The following CNTNAP2 variants were observed in gnomAD, a reference collection of about 807,000 sequenced individuals.
The protein encoded by CNTNAP2 is contactin associated protein 2.
Under a neutral mutation model 155.2 loss-of-function variants are expected in CNTNAP2, and 98 were observed. The ratio of observed to expected loss-of-function variants is 0.63; its 90% CI spans 0.54 to 0.75. The LOEUF is 0.75. Among genes scored for constraint, CNTNAP2 ranks in the 30% least tolerant of loss-of-function variants. The pLI is 0.00. For synonymous variants in CNTNAP2, 651 were observed against 631.2 expected (o/e 1.03, Z -0.47); for missense variants, 1,727 against 1,688.1 (o/e 1.02, Z -0.40).
chr7:147,057,663 TCTC>T (rs1404533448), intron 4 of CNTNAP2, among the ~76,000 whole-genome samples: 2 of 152,078 alleles, frequency 1.3e-5, no homozygotes, highest in Admixed American at 1.3e-4. Context: ...AACCCAAAAG[TCTC>T]CTAGTGGCAA....
At chr7:148,217,863 G>A (rs973404949) in intron 19 of CNTNAP2, among the ~76,000 whole-genome samples, 10 of 152,214 alleles carry the variant, frequency 6.6e-5, no homozygotes, top group Non-Finnish European at 1.2e-4. Flanking sequence ...TGTGGCTCAC[G>A]CCTGTAATCC....
chr7:147,320,262 A>G (rs1340072245), intron 9 of CNTNAP2, among the ~76,000 whole-genome samples: 3 of 152,194 alleles, frequency 2.0e-5, no homozygotes, highest in Non-Finnish European at 4.4e-5. Flanking sequence ...TTCTACACAT[A>G]TCCTGTCAGC....
chr7:146,278,602 T>C lies in CNTNAP2; in HGVS notation c.97+161629T>C, dbSNP rs1345732931. 2.6e-5 allele frequency among the ~76,000 whole-genome samples: 4 copies of C among 152,322 alleles called. No individual in the cohort carries two copies. In the East Asian group the frequency reaches 5.8e-4, roughly 22 times the overall value. ...GCCAAACACTGTGCTAGCTTCTTAG[T>C]ATAAAAAGGTAACTAAAAGCACAGC... On this transcript the variant is annotated intron_variant, in intron 1 of 23. Coordinates refer to ENST00000361727, the MANE Select transcript of CNTNAP2 (RefSeq NM_014141.6).
intron 14 of CNTNAP2, among the ~76,000 whole-genome samples, chr7:147,949,769 A>G (rs1259312743): frequency 6.6e-6 from 1 of 152,156 alleles, no homozygotes; most frequent in Non-Finnish European, 1.5e-5. Flanking sequence ...GCTGCAGGTC[A>G]GGAAACCCAA....
In CNTNAP2 at chr7:147,237,199, G is replaced by C. The variant is rs1803828646; in HGVS notation, c.1349-62942G>C. ...TCGTGCCTCAGCCTCCCAAGTAGCT[G>C]GGACTACAGGCACATGCCACCACAC... On this transcript the variant is annotated intron_variant, in intron 8 of 23. Coordinates refer to ENST00000361727, the MANE Select transcript of CNTNAP2 (RefSeq NM_014141.6). Among the ~76,000 whole-genome samples, 3 of 151,344 alleles carry C rather than the reference G, an allele frequency of 2.0e-5. No homozygotes were observed. In the South Asian group the frequency reaches 6.2e-4, roughly 32 times the overall value.
intron 3 of CNTNAP2, among the ~76,000 whole-genome samples, chr7:146,926,136 T>C (rs1270420208): frequency 6.6e-6 from 1 of 152,142 alleles, no homozygotes; most frequent in African/African-American, 2.4e-5. Flanking sequence ...AATTCTTTAG[T>C]TGCTAGCTAA....
intron 1 of CNTNAP2, among the ~76,000 whole-genome samples, chr7:146,310,169 C>T (rs925224229): frequency 6.6e-6 from 1 of 152,084 alleles, no homozygotes; most frequent in African/African-American, 2.4e-5. Flanking sequence ...ATGAAAATAA[C>T]ACATTCAAAC....
At chr7:147,122,582 C>T (rs1801142896) in intron 6 of CNTNAP2, 1 of 152,184 alleles carries the variant, frequency 6.6e-6, no homozygotes, top group South Asian at 2.1e-4. Context: ...TCCACTTTTA[C>T]TCTACATGAT....
chr7:147,494,468 C>CAAAAA (rs10562874), intron 11 of CNTNAP2, among the ~76,000 whole-genome samples: 18,538 of 115,564 alleles, frequency 0.16, 1,881 homozygotes, highest in African/African-American at 0.2. Context: ...TGAGTCTTGG[C>CAAAAA]AAAAAAAAAA....
intron 2 of CNTNAP2, among the ~76,000 whole-genome samples, chr7:146,787,327 G>A (rs536782932): frequency 9.2e-5 from 14 of 152,246 alleles, no homozygotes; most frequent in East Asian, 7.7e-4. Context: ...GGACCCTTGC[G>A]GTGAGGGTTA....
intron 1 of CNTNAP2, among the ~76,000 whole-genome samples, chr7:146,186,487 T>C (rs956825117): frequency 6.6e-6 from 1 of 152,192 alleles, no homozygotes; most frequent in Non-Finnish European, 1.5e-5. Context: ...CTACATTCAA[T>C]AGGTATGAAT....
rs558947441 is a variant in CNTNAP2, at chr7:146,215,858, A to G, written c.97+98885A>G. 1.8e-4 allele frequency among the ~76,000 whole-genome samples: 27 copies of G among 152,292 alleles called. No homozygotes were observed. In the East Asian group the frequency reaches 5.2e-3, roughly 29 times the overall value. ...CGGCTGATATCGCATTTGCTTTGAT[A>G]AATAATATTTTACCTTCCCATTTGG... On this transcript the variant is annotated intron_variant, in intron 1 of 23. Transcript: ENST00000361727.
chr7:147,748,947 A>T (rs1026025014), intron 13 of CNTNAP2, among the ~76,000 whole-genome samples: 1 of 152,234 alleles, frequency 6.6e-6, no homozygotes, highest in African/African-American at 2.4e-5. Context: ...GACATAAGTC[A>T]TCTACGTGGT....
At chr7:147,299,268 T>C (rs1451535395) in intron 8 of CNTNAP2, among the ~76,000 whole-genome samples, 4 of 152,204 alleles carry the variant, frequency 2.6e-5, no homozygotes, top group African/African-American at 9.7e-5. Flanking sequence ...TTTTGCTTTT[T>C]AATTTTCTGA....
intron 1 of CNTNAP2, among the ~76,000 whole-genome samples, chr7:146,227,594 A>C (rs1158104928): frequency 6.6e-6 from 1 of 152,166 alleles, no homozygotes; most frequent in Admixed American, 6.5e-5. Context: ...TAAAGAGAAC[A>C]TTGAGTGTAT....
At chr7:147,768,746 G>T (rs992293687) in intron 13 of CNTNAP2, among the ~76,000 whole-genome samples, 2 of 152,036 alleles carry the variant, frequency 1.3e-5, no homozygotes, top group Non-Finnish European at 2.9e-5. Context: ...CCTTTTGAAG[G>T]TGTGATTACT....
intron 15 of CNTNAP2, among the ~76,000 whole-genome samples, chr7:148,075,099 C>T (rs1405375162): frequency 6.6e-6 from 1 of 152,152 alleles, no homozygotes; most frequent in African/African-American, 2.4e-5. Flanking sequence ...ACCTTAACTT[C>T]CTACAAAGTC....
chr7:147,705,870 T>C (rs1315481745), intron 13 of CNTNAP2, among the ~76,000 whole-genome samples: 1 of 152,150 alleles, frequency 6.6e-6, no homozygotes, highest in African/African-American at 2.4e-5. Flanking sequence ...AGTTTAGCTA[T>C]TCCGTTTGTT....
At chr7:147,941,678 G>A (rs548535617) in intron 14 of CNTNAP2, among the ~76,000 whole-genome samples, 2 of 152,174 alleles carry the variant, frequency 1.3e-5, no homozygotes, top group Admixed American at 6.5e-5. Context: ...AATGTAATTA[G>A]TTGTGTTTTT....
Sources: gnomAD v4.1 joint callset for allele counts (sites outside exome capture counted in the v4.1 genomes callset) on GRCh38, gnomAD v4.1.1 for gene constraint, MANE v1.5 for transcripts, NCBI Gene and HGNC (gene_info 2026-07-23, HGNC 2026-07-21) for gene names.